FRMD1: variants seen among roughly 807,000 people sequenced by gnomAD.
FRMD1 encodes FERM domain-containing protein 1.
Under a neutral mutation model 54.9 loss-of-function variants are expected in FRMD1, and 51 were observed. The observed-to-expected ratio is 0.93, with a 90% CI of 0.74 to 1.17. The LOEUF (loss-of-function observed/expected upper bound fraction) is 1.17, where lower values mean the gene tolerates loss of function less well. FRMD1 is among the 50% of genes most tolerant of loss of function. FRMD1 has a pLI of 0.00. For missense variants in FRMD1, 729 were observed against 743.0 expected (o/e 0.98, Z 0.22); for synonymous variants, 324 against 306.4 (o/e 1.06, Z -0.60).
chr6:168,064,643 A>G (rs6903668), intron 5 of FRMD1, among the ~76,000 whole-genome samples: 136,723 of 152,282 alleles, frequency 0.9, 61,447 homozygotes, highest in Non-Finnish European at 0.93. Context: ...ACAGGCACCC[A>G]CACCTGCCTG....
upstream of FRMD1, among the ~76,000 whole-genome samples, chr6:168,083,508 G>A (rs1800871971): frequency 1.3e-5 from 2 of 152,252 alleles, no homozygotes; most frequent in Non-Finnish European, 2.9e-5. Flanking sequence ...TGAATGAGAG[G>A]TTAAATCAAC....
intron 3 of FRMD1, 175 bp from the exon 4 acceptor site, chr6:168,067,006 T>A: frequency 1.2e-6 from 1 of 867,068 alleles, no homozygotes; most frequent in Middle Eastern, 2.1e-4. Context: ...CGGAGAACCC[T>A]GAGTGGGACG....
chr6:168,059,164 T>TC lies in FRMD1; in HGVS notation c.1366_1367insG (p.Gln456ArgfsTer24). ...GGCGCTCTGGCCTCTGGTCCTGACC[T>TC]GGGTGCAGGGCTCCTGACGAGTGGC... On this transcript the variant is annotated frameshift_variant, in exon 10 of 11. Transcript: ENST00000283309. LOFTEE classifies it low-confidence loss of function (END_TRUNC). The surrounding 1 kb of genome is among the most constrained non-coding windows in gnomAD (Gnocchi z 4.4). 6.3e-7 allele frequency: 1 copy of TC among 1,588,656 alleles called. No homozygotes were observed. Among genetic ancestry groups the TC allele is most frequent in the Non-Finnish European group, 8.5e-7 (1 of 1,170,968 alleles).
At chr6:168,084,337 C>A (rs183340028), upstream of FRMD1, among the ~76,000 whole-genome samples, 1 of 152,164 alleles carries the variant, frequency 6.6e-6, no homozygotes, top group Non-Finnish European at 1.5e-5. Flanking sequence ...CTGCGCGTGT[C>A]GGATTATGAT....
chr6:168,058,535 C>A (rs1220276296), intron 10 of FRMD1, among the ~76,000 whole-genome samples: 1 of 151,922 alleles, frequency 6.6e-6, no homozygotes, highest in Non-Finnish European at 1.5e-5. Context: ...GGGGGCCTCA[C>A]CCTCCTGTGG....
At chr6:168,080,969 G>A (rs1287058915), upstream of FRMD1, among the ~76,000 whole-genome samples, 1 of 152,110 alleles carries the variant, frequency 6.6e-6, no homozygotes, top group African/African-American at 2.4e-5. Context: ...AAAAGGAAAA[G>A]GAATGGAAAC....
intron 7 of FRMD1, chr6:168,062,576 A>C: frequency 7.9e-7 from 1 of 1,264,980 alleles, no homozygotes. Flanking sequence ...AGGGACCTGC[A>C]CCTCTTCGGG....
intron 1 of FRMD1, among the ~76,000 whole-genome samples, chr6:168,088,593 G>A (rs998410611): frequency 4.6e-5 from 7 of 152,202 alleles, no homozygotes; most frequent in Admixed American, 4.6e-4. Flanking sequence ...GAAGACAGGA[G>A]CTGTGAACCC....
At chr6:168,067,198 C>G in intron 3 of FRMD1, 169 bp downstream of exon 3, 1 of 673,084 alleles carries the variant, frequency 1.5e-6, no homozygotes, top group Non-Finnish European at 2.7e-6. Context: ...TCCCACCCCA[C>G]GCATCCCACC....
intron 4 of FRMD1, chr6:168,066,548 CA>C: frequency 7.8e-7 from 1 of 1,283,004 alleles, no homozygotes; most frequent in African/African-American, 1.5e-5. Flanking sequence ...AAAGAAGTAC[CA>C]ATTTATGACA....
At chr6:168,080,250 G>A (rs1249487187), upstream of FRMD1, among the ~76,000 whole-genome samples, 1 of 152,098 alleles carries the variant, frequency 6.6e-6, no homozygotes, top group South Asian at 2.1e-4. Flanking sequence ...CACCTCCCCC[G>A]GACCCTGGAC....
Position 168,088,969 on chromosome 6 carries a change from T to G in FRMD1, c.-11-9945A>C, listed in dbSNP as rs1207889062. Among the ~76,000 whole-genome samples, 3 of 107,932 alleles carry G rather than the reference T, an allele frequency of 2.8e-5. No individual in the cohort carries two copies. In the Admixed American group the frequency reaches 3.2e-4, roughly 12 times the overall value. 70.8% of individuals were successfully genotyped at this position (107,932 alleles called of 152,430 possible). A position where few individuals can be genotyped will look rare whatever the true frequency, so the allele number is the denominator to read the frequency against. The stretch of plus-strand genomic sequence containing the variant: ...CAGACACTGATCACACGTGCCCTGC[T>G]GAGAGCCCAAGTCCTCCCCGCCAGT... On this transcript the variant is annotated intron_variant, in intron 1 of 12. Transcript: ENST00000644440.
intron 5 of FRMD1, 100 bp downstream of exon 5, chr6:168,064,771 C>G: frequency 3.4e-6 from 5 of 1,469,890 alleles, no homozygotes; most frequent in Non-Finnish European, 4.5e-6. Context: ...TCCAGCAGCC[C>G]CTGCCAGGCC....
rs532323917 is a variant in FRMD1 at position 168,090,823 on chromosome 6, A to G, written c.-12+10602T>C. 7.0e-4 allele frequency among the ~76,000 whole-genome samples: 106 copies of G among 152,278 alleles called. 1 individual carries two copies. The highest frequency in any genetic ancestry group is 1.3e-3 in the Non-Finnish European group (87 of 68,010). ...CCACCATGCACGGTGCTTCCATGTG[A>G]TTCTCAGCCGCCCTCTTGGGGGCTA... On this transcript the variant is annotated intron_variant, in intron 1 of 12. Coordinates refer to the FRMD1 transcript ENST00000644440.
chr6:168,063,583 G>T lies in FRMD1; in HGVS notation c.804+18C>A, dbSNP rs2114971151. 1 of 1,598,442 alleles carries T rather than the reference G, an allele frequency of 6.3e-7. No individual in the cohort carries two copies. The highest frequency in any genetic ancestry group is 1.3e-5 in the African/African-American group (1 of 74,818). ...TGGAGTCAGAGTCCAGCCCATCGCT[G>T]GCCGCCCTGGGCTCGACCTTGTGCA... On this transcript the variant is annotated intron_variant, in intron 6 of 10. Transcript: ENST00000283309.
chr6:168,089,827 G>T (rs1054110117), intron 1 of FRMD1, among the ~76,000 whole-genome samples: 2 of 152,358 alleles, frequency 1.3e-5, no homozygotes, highest in Non-Finnish European at 2.9e-5. Flanking sequence ...CGGGGCAGGT[G>T]AGGGAAAGCA....
In FRMD1 at chr6:168,053,867, G is replaced by GTCCATGCTTCAACACAGGCAA; in HGVS notation, c.*3229_*3230insTTGCCTGTGTTGAAGCATGGA. ...CCGGGCCTCCCAGATGGGCACCTGA[G>GTCCATGCTTCAACACAGGCAA]GACCCCGGCCTCCTCCTCCTGCTTG... On this transcript the variant is annotated 3_prime_UTR_variant, in exon 11 of 11. Transcript: ENST00000283309. 1 of 152,296 alleles carries GTCCATGCTTCAACACAGGCAA rather than the reference G, an allele frequency of 6.6e-6. No homozygotes were observed. The highest frequency in any genetic ancestry group is 2.4e-5 in the African/African-American group (1 of 41,470). The allele number at this position is 152,296 out of a possible 1,614,324, so 9.4% of individuals were successfully genotyped here.
At chr6:168,077,699 C>T (rs1562429249) in intron 1 of FRMD1, among the ~76,000 whole-genome samples, 1 of 152,242 alleles carries the variant, frequency 6.6e-6, no homozygotes, top group Non-Finnish European at 1.5e-5. Context: ...TCACTATGTT[C>T]TAGCTGCATG....
chr6:168,074,220 G>C (rs907878503), intron 2 of FRMD1, among the ~76,000 whole-genome samples: 1 of 152,074 alleles, frequency 6.6e-6, no homozygotes, highest in Non-Finnish European at 1.5e-5. Context: ...CCAGGGGACC[G>C]GCCCCACTCC....
Sources: allele counts gnomAD v4.1 joint callset (sites outside exome capture counted in the v4.1 genomes callset), GRCh38; gene constraint gnomAD v4.1.1; non-coding constraint Gnocchi (gnomAD v3.1); transcripts MANE v1.5; gene names NCBI Gene and HGNC (gene_info 2026-07-23, HGNC 2026-07-21).